ZFYVE9: variants seen among roughly 807,000 people sequenced by gnomAD.
The protein encoded by ZFYVE9 is zinc finger FYVE domain-containing protein 9.
ZFYVE9 carries 43 observed loss-of-function variants against 126.7 expected under a neutral mutation model. The ratio of observed to expected loss-of-function variants is 0.34; its 90% confidence interval spans 0.27 to 0.44. The LOEUF (loss-of-function observed/expected upper bound fraction) is 0.44. Ranked by LOEUF, ZFYVE9 falls within the 20% of genes least tolerant of loss-of-function variation. The probability of loss-of-function intolerance (pLI) is 1.00; values close to 1 mark genes in which losing one functional copy is unlikely to be tolerated. For missense variants in ZFYVE9, 1,476 were observed against 1,697.0 expected (o/e 0.87, Z 2.29); for synonymous variants, 521 against 597.4 (o/e 0.87, Z 1.87).
intron 2 of ZFYVE9, among the ~76,000 whole-genome samples, chr1:52,223,302 A>ATAGG (rs1645141445): frequency 6.6e-6 from 1 of 152,032 alleles, no homozygotes; most frequent in Admixed American, 6.6e-5. Context: ...CCTGACTCTC[A>ATAGG]GGTTTCATCC....
chr1:52,206,139 C>T (rs761178081), intron 1 of ZFYVE9, among the ~76,000 whole-genome samples: 1 of 152,104 alleles, frequency 6.6e-6, no homozygotes, highest in African/African-American at 2.4e-5. Context: ...GACAATATCT[C>T]ACAGAATCCA....
In ZFYVE9 at chr1:52,311,451, G is replaced by T. The variant is rs1248548461; in HGVS notation, c.3438+7526G>T. 1.9e-4 allele frequency among the ~76,000 whole-genome samples: 29 copies of T among 152,008 alleles called. 2 individuals carry two copies. The highest frequency in any genetic ancestry group is 1.9e-3 in the Admixed American group (29 of 15,242). On this transcript the variant is annotated intron_variant, in intron 13 of 18. Transcript: ENST00000287727. ...AGCTAATTTTTGTATTTTTGGTAGAGACAGGGTTTCACCATGTTGGCCAGG... is the reference window on the plus strand; with the variant it reads ...AGCTAATTTTTGTATTTTTGGTAGATACAGGGTTTCACCATGTTGGCCAGG...
chr1:52,180,783 C>A, intron 1 of ZFYVE9, among the ~76,000 whole-genome samples: 1 of 151,870 alleles, frequency 6.6e-6, no homozygotes, highest in East Asian at 1.9e-4. Context: ...CGATACCAGC[C>A]TTACCAACAT....
rs141682621 is a variant in ZFYVE9, at chr1:52,301,639, A to G, written c.3334-2182A>G. 1.3e-4 allele frequency among the ~76,000 whole-genome samples: 20 copies of G among 152,214 alleles called. No homozygotes were observed. In the East Asian group the frequency reaches 3.1e-3, roughly 23 times the overall value. On this transcript the variant is annotated intron_variant, in intron 12 of 18. Transcript: ENST00000287727. ...AGTTTCAAAAGCTTTTTAAAATTACAAGTTTGAAGCAAATTGATTATAATG... is the reference window on the plus strand; with the variant it reads ...AGTTTCAAAAGCTTTTTAAAATTACGAGTTTGAAGCAAATTGATTATAATG...
At chr1:52,331,450 T>TAA (rs527807876) in intron 13 of ZFYVE9, among the ~76,000 whole-genome samples, 11 of 136,362 alleles carry the variant, frequency 8.1e-5, no homozygotes, top group Admixed American at 7.6e-5. Context: ...CCCTGTCTCT[T>TAA]AAAAAAAAAA....
intron 1 of ZFYVE9, among the ~76,000 whole-genome samples, chr1:52,174,470 T>C (rs1209245395): frequency 2.0e-5 from 3 of 152,218 alleles, no homozygotes; most frequent in East Asian, 1.9e-4. Flanking sequence ...CTGAGAATAA[T>C]GTATATTCTG....
At chr1:52,322,377 C>CTTTTTTT (rs113375062) in intron 13 of ZFYVE9, among the ~76,000 whole-genome samples, 50 of 119,480 alleles carry the variant, frequency 4.2e-4, no homozygotes, top group East Asian at 2.2e-3. Context: ...GTGGTCTTTT[C>CTTTTTTT]TTTTTTTTTT....
At chr1:52,271,623 G>A (rs1415512405) in intron 7 of ZFYVE9, among the ~76,000 whole-genome samples, 3 of 152,052 alleles carry the variant, frequency 2.0e-5, no homozygotes, top group Non-Finnish European at 4.4e-5. Context: ...ATTAAAAGGA[G>A]GATTTTTGCA....
intron 2 of ZFYVE9, among the ~76,000 whole-genome samples, chr1:52,223,979 G>A (rs1028431916): frequency 3.3e-5 from 5 of 152,140 alleles, no homozygotes; most frequent in Non-Finnish European, 5.9e-5. Flanking sequence ...AGACTGTCCA[G>A]TTTGATCTGC....
At chr1:52,307,594 A>G (rs1455773169) in intron 13 of ZFYVE9, among the ~76,000 whole-genome samples, 1 of 152,114 alleles carries the variant, frequency 6.6e-6, no homozygotes, top group Non-Finnish European at 1.5e-5. Context: ...CTATTCATAT[A>G]ACCTGTTTTT....
At position 52,238,692 on chromosome 1, in the gene ZFYVE9, T is replaced by G. The variant is rs3790524; in HGVS notation, c.1275T>G (p.Ile425Met). 2.1e-4 allele frequency: 344 copies of G among 1,614,112 alleles called. 1 individual carries two copies. The East Asian group carries it at 7.4e-3, about 35-fold the overall frequency. Residue 425 changes from isoleucine to methionine, a missense_variant, in exon 4 of 19, where the codon ATT (isoleucine) becomes ATG (methionine). Ile to Met is a conservative substitution (Grantham distance 10, BLOSUM62 1). This residue lies in a region of ZFYVE9 where 807 missense variants were observed against 794.6 expected (regional missense o/e 1.02). Coordinates refer to ENST00000287727, the MANE Select transcript of ZFYVE9 (RefSeq NM_004799.4). ...AAGAAAAGGAAAAGTTTCTACAGAT[T>G]AGTCAGCCTGAGGACACTAATGGTG... ...VNEEKEKFLQ[I>M]SQPEDTNGDS...
At chr1:52,266,014 T>G (rs547705672) in intron 5 of ZFYVE9, among the ~76,000 whole-genome samples, 1 of 152,354 alleles carries the variant, frequency 6.6e-6, no homozygotes, top group South Asian at 2.1e-4. Flanking sequence ...AAGGAAATGT[T>G]TGGTCTCCTA....
At chr1:52,267,365 T>G (rs1645644802) in intron 6 of ZFYVE9, among the ~76,000 whole-genome samples, 1 of 152,206 alleles carries the variant, frequency 6.6e-6, no homozygotes, top group South Asian at 2.1e-4. Flanking sequence ...TATCATATGA[T>G]AGGTAGAAAA....
intron 12 of ZFYVE9, among the ~76,000 whole-genome samples, chr1:52,296,852 C>T (rs775210997): frequency 2.0e-5 from 3 of 152,122 alleles, no homozygotes; most frequent in Admixed American, 6.6e-5. Context: ...GAGTCTCTAT[C>T]GCCCAAGTTG....
At chr1:52,319,593 C>T (rs942485231) in intron 13 of ZFYVE9, among the ~76,000 whole-genome samples, 4 of 151,132 alleles carry the variant, frequency 2.6e-5, no homozygotes, top group Non-Finnish European at 4.4e-5. Context: ...CATTGTACTC[C>T]AGCCTGGGTA....
At chr1:52,147,248 T>C (rs1183878931) in intron 1 of ZFYVE9, among the ~76,000 whole-genome samples, 3 of 152,208 alleles carry the variant, frequency 2.0e-5, no homozygotes, top group Admixed American at 2.0e-4. Context: ...TATATTTTTC[T>C]TTTAAATTAT....
At chr1:52,232,392 TAAAG>T (rs1645231533) in intron 2 of ZFYVE9, among the ~76,000 whole-genome samples, 3 of 152,114 alleles carry the variant, frequency 2.0e-5, no homozygotes, top group African/African-American at 7.2e-5. Context: ...CGATTAACAT[TAAAG>T]AAATGGTTTA....
intron 3 of ZFYVE9, among the ~76,000 whole-genome samples, chr1:52,235,499 G>A (rs1645265369): frequency 6.6e-6 from 1 of 151,850 alleles, no homozygotes; most frequent in African/African-American, 2.4e-5. Flanking sequence ...TTTCTTTTAA[G>A]GAATCCTGTG....
At chr1:52,231,633 C>T (rs1486297161) in intron 2 of ZFYVE9, among the ~76,000 whole-genome samples, 2 of 151,816 alleles carry the variant, frequency 1.3e-5, no homozygotes, top group East Asian at 1.9e-4. Context: ...AATACTCTTT[C>T]TTTTTTTGAG....
Sources: gnomAD v4.1 joint callset for allele counts (sites outside exome capture counted in the v4.1 genomes callset) on GRCh38, gnomAD v4.1.1 for gene constraint, gnomAD v4.1.1 regional missense constraint, MANE v1.5 for transcripts, NCBI Gene and HGNC (gene_info 2026-07-23, HGNC 2026-07-21) for gene names.